IKZF3: variants seen among roughly 807,000 people sequenced by gnomAD.
IKZF3 encodes the protein IKAROS family zinc finger 3, also known as zinc finger protein Aiolos.
Under a neutral mutation model 49.0 loss-of-function variants are expected in IKZF3, and 10 were observed. That is an observed-to-expected ratio of 0.20 (90% CI 0.13 to 0.35). The LOEUF is 0.35. Among genes scored for constraint, IKZF3 ranks in the 10% least tolerant of loss-of-function variants. The pLI, the probability that IKZF3 is intolerant of heterozygous loss-of-function variation, is 1.00. For synonymous variants in IKZF3, 209 were observed against 228.2 expected (o/e 0.92, Z 0.76); for missense variants, 498 against 664.8 (o/e 0.75, Z 2.76).
intron 6 of IKZF3, among the ~76,000 whole-genome samples, chr17:39,785,816 C>T (rs1009797283): frequency 6.6e-6 from 1 of 152,082 alleles, no homozygotes; most frequent in Non-Finnish European, 1.5e-5. Flanking sequence ...TGTCCATTAG[C>T]TGATGAATGG....
chr17:39,826,107 A>C (rs1243555174), intron 3 of IKZF3, among the ~76,000 whole-genome samples: 1 of 152,180 alleles, frequency 6.6e-6, no homozygotes, highest in Non-Finnish European at 1.5e-5. Context: ...CAGTGACACG[A>C]TCAGGGTTCA....
chr17:39,835,962 C>T (rs1201625104), intron 1 of IKZF3: 3 of 636,514 alleles, frequency 4.7e-6, no homozygotes, highest in Non-Finnish European at 8.7e-6. Context: ...GTCCAGCTGC[C>T]ACGGAGGTTT....
intron 1 of IKZF3, among the ~76,000 whole-genome samples, chr17:39,851,914 C>T (rs557814836): frequency 6.6e-6 from 1 of 152,206 alleles, no homozygotes; most frequent in African/African-American, 2.4e-5. Flanking sequence ...CTTTGAATCT[C>T]AAGAGTTTCT....
intron 3 of IKZF3, among the ~76,000 whole-genome samples, chr17:39,797,725 T>C (rs2061207931): frequency 6.6e-6 from 1 of 152,146 alleles, no homozygotes; most frequent in South Asian, 2.1e-4. Flanking sequence ...GCCCGGCCCC[T>C]GCACTCCTAT....
chr17:39,852,113 T>C (rs2062894259), intron 1 of IKZF3, among the ~76,000 whole-genome samples: 1 of 152,194 alleles, frequency 6.6e-6, no homozygotes, highest in African/African-American at 2.4e-5. Flanking sequence ...TTCAAAATGT[T>C]TCAATATTGG....
chr17:39,820,187 T>A (rs1172138624), intron 3 of IKZF3, among the ~76,000 whole-genome samples: 1 of 152,220 alleles, frequency 6.6e-6, no homozygotes, highest in Non-Finnish European at 1.5e-5. Context: ...CAAAGTTATC[T>A]GTGTTCAGTG....
intron 3 of IKZF3, among the ~76,000 whole-genome samples, chr17:39,826,725 G>A (rs887349102): frequency 1.3e-5 from 2 of 152,234 alleles, no homozygotes; most frequent in Admixed American, 1.3e-4. Context: ...ATCACAGTGT[G>A]CGTGTTTGAG....
chr17:39,825,550 A>AAAAACAGAAATATGCC (rs2061933930), intron 3 of IKZF3, among the ~76,000 whole-genome samples: 1 of 152,166 alleles, frequency 6.6e-6, no homozygotes, highest in African/African-American at 2.4e-5. Context: ...TCTCTGGTTG[A>AAAAACAGAAATATGCC]CTGGTATCTG....
Position 39,765,661 on chromosome 17 carries a change from G to T in IKZF3, c.*129C>A. On this transcript the variant is annotated 3_prime_UTR_variant, in exon 8 of 8. Transcript: ENST00000346872. Reference sequence around the variant, plus strand: ...ACAGTGTTTCCCTGGCTACCCCTGTGAACACAGCTAAAAATGGTATGAAAA... The same window carrying T: ...ACAGTGTTTCCCTGGCTACCCCTGTTAACACAGCTAAAAATGGTATGAAAA... The T allele has an allele frequency of 1.5e-6, 1 of 663,574 alleles. No individual in the cohort carries two copies. The highest frequency in any genetic ancestry group is 2.5e-6 in the Non-Finnish European group (1 of 392,444). The allele number at this position is 663,574 out of a possible 1,614,324, so 41.1% of individuals were successfully genotyped here.
At chr17:39,851,018 A>G (rs1257656237) in intron 1 of IKZF3, among the ~76,000 whole-genome samples, 1 of 145,042 alleles carries the variant, frequency 6.9e-6, no homozygotes, top group Non-Finnish European at 1.5e-5. Flanking sequence ...TATTATATAC[A>G]CGTATGTTAT....
intron 3 of IKZF3, among the ~76,000 whole-genome samples, chr17:39,813,598 C>T (rs1398561009): frequency 1.3e-5 from 2 of 150,760 alleles, no homozygotes; most frequent in East Asian, 2.0e-4. Flanking sequence ...GAGCCGAGAT[C>T]GTGCCACTGC....
At chr17:39,844,487 C>T (rs2062570585) in intron 1 of IKZF3, among the ~76,000 whole-genome samples, 1 of 152,168 alleles carries the variant, frequency 6.6e-6, no homozygotes, top group African/African-American at 2.4e-5. Context: ...TAAAAGTCAC[C>T]TATTCAAACA....
chr17:39,829,593 T>C lies in IKZF3; in HGVS notation c.62-105A>G. 3 of 716,892 alleles carry C rather than the reference T, an allele frequency of 4.2e-6. No homozygotes were observed. The East Asian group carries it at 8.2e-5, about 20-fold the overall frequency. 44.4% of individuals were successfully genotyped at this position (716,892 alleles called of 1,614,324 possible). On this transcript the variant is annotated intron_variant, in intron 2 of 7. Transcript: ENST00000346872. ...TAACTTTCAGCTTCACACAATCCTT[T>C]AGTGACAGATAGTACCCCTTCACAC...
In IKZF3 at chr17:39,832,170, T is replaced by C. The variant is rs2062128489; in HGVS notation, c.8-19A>G. 2.5e-6 allele frequency: 4 copies of C among 1,587,674 alleles called. No individual in the cohort carries two copies. Among genetic ancestry groups the C allele is most frequent in the Non-Finnish European group, 3.5e-6 (4 of 1,156,496 alleles). On this transcript the variant is annotated intron_variant, in intron 1 of 7. Transcript: ENST00000346872. ...TGTATATCTGAAAAGAAAGAGGTTA[T>C]AAATATTAGCTACTTAGGGTACATT...
At chr17:39,769,417 C>G (rs2060379520) in intron 7 of IKZF3, among the ~76,000 whole-genome samples, 1 of 152,096 alleles carries the variant, frequency 6.6e-6, no homozygotes, top group South Asian at 2.1e-4. Flanking sequence ...AGAGAAATAC[C>G]TGAGAGAGAA....
At chr17:39,778,035 A>T in intron 6 of IKZF3, 1 of 1,109,696 alleles carries the variant, frequency 9.0e-7, no homozygotes, top group South Asian at 3.5e-5. Flanking sequence ...GGAAGTATTA[A>T]ATAAACAGCC....
intron 1 of IKZF3, among the ~76,000 whole-genome samples, chr17:39,863,888 C>T (rs9635726): frequency 0.19 from 29,250 of 152,158 alleles, 4,092 homozygotes; most frequent in East Asian, 0.65. Context: ...TGTCTGACAA[C>T]TCTTTAGAAA....
chr17:39,852,018 A>T (rs190753606), intron 1 of IKZF3, among the ~76,000 whole-genome samples: 1 of 152,294 alleles, frequency 6.6e-6, no homozygotes, highest in African/African-American at 2.4e-5. Context: ...GTGGTACAGA[A>T]ATTTATTTAC....
rs1205619193 is a variant in IKZF3 at position 39,778,567 on chromosome 17, T to C, written c.710-800A>G. On this transcript the variant is annotated intron_variant, in intron 6 of 7. Coordinates refer to ENST00000346872, the MANE Select transcript of IKZF3 (RefSeq NM_012481.5). ...CCTGTAATCCCAGCACTTTGGGAGG[T>C]GGAGGTGGGCAGATCACCTGAGGTC... Among the ~76,000 whole-genome samples the C allele has an allele frequency of 3.3e-5, 5 of 151,716 alleles. No individual in the cohort carries two copies. In the East Asian group the frequency reaches 9.6e-4, roughly 29 times the overall value.
Sources: gnomAD v4.1 joint callset for allele counts (sites outside exome capture counted in the v4.1 genomes callset) on GRCh38, gnomAD v4.1.1 for gene constraint, MANE v1.5 for transcripts, NCBI Gene and HGNC (gene_info 2026-07-23, HGNC 2026-07-21) for gene names.